The following NKAIN2 variants were observed in gnomAD, a reference collection of about 807,000 sequenced individuals.
NKAIN2 encodes the protein sodium/potassium-transporting ATPase subunit beta-1-interacting protein 2.
In NKAIN2, 14 loss-of-function variants were observed where a neutral mutation model predicts 32.6. That is an observed-to-expected ratio of 0.43 (90% confidence interval 0.28 to 0.67). NKAIN2 has a LOEUF of 0.67. NKAIN2 is among the 30% of genes least tolerant of loss of function. NKAIN2 has a pLI of 0.17. For synonymous variants in NKAIN2, 80 were observed against 87.2 expected, an observed-to-expected ratio of 0.92 and a Z score of 0.46; for missense variants, 198 against 258.3, an observed-to-expected ratio of 0.77 and a Z score of 1.60.
At chr6:124,715,649 A>G (rs1488498007) in intron 4 of NKAIN2, among the ~76,000 whole-genome samples, 2 of 152,188 alleles carry the variant, frequency 1.3e-5, no homozygotes, top group African/African-American at 4.8e-5. Context: ...CACGATGTAC[A>G]TTGCTAGCAG....
chr6:124,674,172 C>T (rs1773247276), intron 4 of NKAIN2, among the ~76,000 whole-genome samples: 1 of 151,804 alleles, frequency 6.6e-6, no homozygotes, highest in Non-Finnish European at 1.5e-5. Flanking sequence ...TATGCATAGG[C>T]TTCTTTGGCT....
chr6:124,577,053 G>A (rs1319232760), intron 3 of NKAIN2, among the ~76,000 whole-genome samples: 1 of 152,170 alleles, frequency 6.6e-6, no homozygotes, highest in African/African-American at 2.4e-5. Context: ...TTATATACCT[G>A]ATAATGGGCT....
intron 1 of NKAIN2, among the ~76,000 whole-genome samples, chr6:124,021,303 G>A (rs939109883): frequency 2.0e-5 from 3 of 151,874 alleles, no homozygotes; most frequent in African/African-American, 7.2e-5. Context: ...TTTTACATAA[G>A]AACACTGTTT....
intron 3 of NKAIN2, among the ~76,000 whole-genome samples, chr6:124,387,091 T>C (rs1407012437): frequency 6.6e-6 from 1 of 152,182 alleles, no homozygotes; most frequent in Non-Finnish European, 1.5e-5. Flanking sequence ...AATCCATGCA[T>C]AGTGTTTTGA....
At chr6:123,938,606 T>A (rs1448279575) in intron 1 of NKAIN2, among the ~76,000 whole-genome samples, 3 of 136,808 alleles carry the variant, frequency 2.2e-5, no homozygotes, top group Non-Finnish European at 3.1e-5. Flanking sequence ...ATTATATATA[T>A]TTTTATATAT....
intron 1 of NKAIN2, among the ~76,000 whole-genome samples, chr6:123,868,619 T>C (rs1332799433): frequency 6.6e-6 from 1 of 152,162 alleles, no homozygotes; most frequent in East Asian, 1.9e-4. Flanking sequence ...AATAGTATGG[T>C]TTAGAAATTA....
At chr6:124,813,983 A>G (rs1330959773) in intron 5 of NKAIN2, among the ~76,000 whole-genome samples, 1 of 152,208 alleles carries the variant, frequency 6.6e-6, no homozygotes, top group Non-Finnish European at 1.5e-5. Flanking sequence ...AAATGTCATT[A>G]TATAAAAGAA....
At chr6:124,686,660 A>AATCTT (rs1773897148) in intron 4 of NKAIN2, among the ~76,000 whole-genome samples, 1 of 152,184 alleles carries the variant, frequency 6.6e-6, no homozygotes, top group South Asian at 2.1e-4. Context: ...ACCATATCAT[A>AATCTT]ATCTTATGCA....
chr6:124,082,884 C>T (rs943804297), intron 1 of NKAIN2, among the ~76,000 whole-genome samples: 1 of 151,946 alleles, frequency 6.6e-6, no homozygotes, highest in African/African-American at 2.4e-5. Flanking sequence ...TATTAACAAG[C>T]AGTGTAGTAG....
chr6:124,411,039 T>C (rs1774147645), intron 3 of NKAIN2, among the ~76,000 whole-genome samples: 1 of 151,940 alleles, frequency 6.6e-6, no homozygotes, highest in African/African-American at 2.4e-5. Context: ...GCTTGGTAGA[T>C]CTTCCTCCAT....
chr6:124,599,773 CA>C (rs1782237843), intron 3 of NKAIN2, among the ~76,000 whole-genome samples: 1 of 152,078 alleles, frequency 6.6e-6, no homozygotes, highest in Non-Finnish European at 1.5e-5. Flanking sequence ...CTGTGAATAG[CA>C]GAGCACATCT....
intron 1 of NKAIN2, among the ~76,000 whole-genome samples, chr6:124,038,687 G>A (rs930222727): frequency 6.6e-6 from 1 of 152,044 alleles, no homozygotes; most frequent in Non-Finnish European, 1.5e-5. Context: ...TTAGCTTATA[G>A]TTTCTATATC....
intron 4 of NKAIN2, among the ~76,000 whole-genome samples, chr6:124,703,380 G>A (rs1239308377): frequency 6.6e-6 from 1 of 152,020 alleles, no homozygotes; most frequent in Non-Finnish European, 1.5e-5. Context: ...GCTTAGCATT[G>A]TTTCCTTACT....
At chr6:123,879,439 G>A (rs9490983) in intron 1 of NKAIN2, among the ~76,000 whole-genome samples, 102,310 of 152,048 alleles carry the variant, frequency 0.67, 36,094 homozygotes, top group African/African-American at 0.89. Context: ...AAGAAATCTG[G>A]AATACAGTGG....
intron 1 of NKAIN2, among the ~76,000 whole-genome samples, chr6:124,092,943 A>T (rs538166085): frequency 9.9e-5 from 15 of 152,066 alleles, no homozygotes; most frequent in African/African-American, 2.9e-4. Flanking sequence ...TTTTCTCTCT[A>T]TTTAATCCAC....
At chr6:124,687,441 TACATGGTATATATTCCATATATAC>T (rs1773998692) in intron 4 of NKAIN2, among the ~76,000 whole-genome samples, 8 of 137,650 alleles carry the variant, frequency 5.8e-5, no homozygotes, top group African/African-American at 2.2e-4. Context: ...ACCATATACA[TACATGGTATATATTCCATATATAC>T]ACATACATGG....
At chr6:124,034,126 T>G (rs1000224295) in intron 1 of NKAIN2, among the ~76,000 whole-genome samples, 12 of 152,220 alleles carry the variant, frequency 7.9e-5, no homozygotes, top group African/African-American at 2.6e-4. Context: ...TTCTTTTTTA[T>G]TTTTCTTTAT....
intron 3 of NKAIN2, among the ~76,000 whole-genome samples, chr6:124,633,542 C>CATCTCTATCTTGTTATTACCATCTTGTGG (rs1783653760): frequency 6.6e-6 from 1 of 152,122 alleles, no homozygotes; most frequent in South Asian, 2.1e-4. Context: ...ACACTTGGTT[C>CATCTCTATCTTGTTATTACCATCTTGTGG]ATCTCTATCT....
intron 3 of NKAIN2, among the ~76,000 whole-genome samples, chr6:124,525,818 C>T (rs1052982013): frequency 1.3e-4 from 20 of 152,056 alleles, no homozygotes; most frequent in African/African-American, 4.1e-4. Flanking sequence ...ATGTTAAGGA[C>T]GTAGAATCTG....
Sources: allele counts gnomAD v4.1 joint callset (sites outside exome capture counted in the v4.1 genomes callset), GRCh38; gene constraint gnomAD v4.1.1; transcripts MANE v1.5; gene names NCBI Gene and HGNC (gene_info 2026-07-23, HGNC 2026-07-21).